Variants in PACC1 observed in about 807,000 individuals in gnomAD.
The protein encoded by PACC1 is proton-activated chloride channel.
PACC1 carries 34 observed loss-of-function variants against 39.7 expected under a neutral mutation model. That is an observed-to-expected ratio of 0.86 (90% CI 0.65 to 1.14). The LOEUF (loss-of-function observed/expected upper bound fraction) is 1.14. Among genes scored for constraint, PACC1 ranks in the 50% most tolerant of loss-of-function variants. The pLI, the probability that PACC1 is intolerant of heterozygous loss-of-function variation, is 0.00. For synonymous variants in PACC1, 127 were observed against 160.6 expected (o/e 0.79, Z 1.58); for missense variants, 379 against 436.4 (o/e 0.87, Z 1.17).
At chr1:212,401,539 T>A (rs1259187647) in intron 2 of PACC1, among the ~76,000 whole-genome samples, 2 of 138,642 alleles carry the variant, frequency 1.4e-5, no homozygotes, top group East Asian at 2.3e-4. Context: ...GGCAGGAGAA[T>A]CACTTGAACC....
intron 7 of PACC1, among the ~76,000 whole-genome samples, chr1:212,371,227 G>A (rs1471003138): frequency 2.2e-4 from 26 of 120,402 alleles, no homozygotes; most frequent in Non-Finnish European, 3.6e-4. Flanking sequence ...TTGTGATAGA[G>A]CAAGACTCCA....
chr1:212,369,543 G>C (rs975719138), intron 7 of PACC1, among the ~76,000 whole-genome samples: 1 of 152,340 alleles, frequency 6.6e-6, no homozygotes, highest in Non-Finnish European at 1.5e-5. Context: ...CACTTTGGGA[G>C]GCCAAGGTGG....
intron 1 of PACC1, chr1:212,414,119 G>C (rs994456547): frequency 1.3e-6 from 2 of 1,492,138 alleles, no homozygotes; most frequent in African/African-American, 1.4e-5. Flanking sequence ...GAACTGGAAA[G>C]TGATAAAGTC....
intron 7 of PACC1, among the ~76,000 whole-genome samples, chr1:212,368,938 A>AGGAG: frequency 6.6e-6 from 1 of 151,346 alleles, no homozygotes; most frequent in South Asian, 2.1e-4. Context: ...AGGCTGAGGT[A>AGGAG]GGAGAATGGT....
chr1:212,385,047 C>T (rs1661047011), intron 4 of PACC1, among the ~76,000 whole-genome samples: 1 of 152,218 alleles, frequency 6.6e-6, no homozygotes, highest in African/African-American at 2.4e-5. Flanking sequence ...GTCAGGAATC[C>T]CTGAGCATTA....
At chr1:212,408,480 C>A (rs1158346169) in intron 2 of PACC1, among the ~76,000 whole-genome samples, 1 of 152,042 alleles carries the variant, frequency 6.6e-6, no homozygotes, top group African/African-American at 2.4e-5. Flanking sequence ...CCTGCCTCAG[C>A]CTCCCAAGTA....
chr1:212,396,701 T>TAAA (rs34222207), intron 2 of PACC1, among the ~76,000 whole-genome samples: 1 of 95,452 alleles, frequency 1.0e-5, no homozygotes, highest in Admixed American at 1.1e-4. Context: ...CAGGATAACT[T>TAAA]AAAAAAAAAA....
intron 4 of PACC1, 98 bp from the exon 5 acceptor site, chr1:212,380,135 T>C: frequency 6.0e-6 from 8 of 1,331,256 alleles, no homozygotes; most frequent in Non-Finnish European, 7.2e-6. Context: ...CCATAGCTCC[T>C]TGCCCAGTGG....
intron 6 of PACC1, chr1:212,376,866 A>G (rs1660683307): frequency 6.6e-6 from 1 of 152,360 alleles, no homozygotes; most frequent in East Asian, 1.9e-4. Flanking sequence ...CTTCTGCTCC[A>G]GATGAGCATC....
chr1:212,393,394 G>C lies in PACC1; in HGVS notation c.134-6294C>G, dbSNP rs1368206137. ...AGATGTTCTTTGAAACCAATGAGAA[G>C]AAAGACACAACATACCAGAATCTCT... On this transcript the variant is annotated intron_variant, in intron 2 of 7. Transcript: ENST00000261455. 5.9e-5 allele frequency among the ~76,000 whole-genome samples: 9 copies of C among 152,220 alleles called. No individual in the cohort carries two copies. In the East Asian group the frequency reaches 1.4e-3, roughly 23 times the overall value.
At position 212,387,026 on chromosome 1, in the gene PACC1, G is replaced by C. The variant is rs1393482660; in HGVS notation, c.208C>G (p.Leu70Val). 1 of 1,614,232 alleles carries C rather than the reference G, an allele frequency of 6.2e-7. No homozygotes were observed. Among genetic ancestry groups the C allele is most frequent in the Non-Finnish European group, 8.5e-7 (1 of 1,180,048 alleles). The change falls in exon 3 of 8, where the codon CTC becomes GTC. Residue 70 changes from leucine (L) to valine (V), a missense_variant. Transcript: ENST00000261455. Reference protein sequence around the residue: ...ACLKNVFSVLLIFIYLLLMAV... With the variant: ...ACLKNVFSVLVIFIYLLLMAV... The stretch of plus-strand genomic sequence containing the variant: ...ATGAGCAGCAGGTAGATGAAGATGA[G>C]TAGGACCGAGAAGACGTTCTTCAGG...
chr1:212,395,219 G>C (rs1231455560), intron 2 of PACC1, among the ~76,000 whole-genome samples: 7 of 152,238 alleles, frequency 4.6e-5, no homozygotes, highest in African/African-American at 1.7e-4. Flanking sequence ...AAACAGCATG[G>C]TACTGGTACC....
intron 4 of PACC1, among the ~76,000 whole-genome samples, chr1:212,382,125 G>A (rs1660920957): frequency 6.6e-6 from 1 of 151,756 alleles, no homozygotes; most frequent in East Asian, 1.9e-4. Flanking sequence ...TGCAAGCTCC[G>A]CCTCCCGGGT....
At chr1:212,366,986 C>T (rs1660269475) in intron 7 of PACC1, among the ~76,000 whole-genome samples, 1 of 152,196 alleles carries the variant, frequency 6.6e-6, no homozygotes, top group African/African-American at 2.4e-5. Flanking sequence ...ATTATGATGA[C>T]ATGAATGCCA....
intron 2 of PACC1, among the ~76,000 whole-genome samples, chr1:212,392,094 G>A (rs1661343842): frequency 6.6e-6 from 1 of 152,102 alleles, no homozygotes; most frequent in Non-Finnish European, 1.5e-5. Flanking sequence ...TACAGAGAAT[G>A]CCACAAAGAT....
At chr1:212,396,583 T>C (rs1661526740) in intron 2 of PACC1, among the ~76,000 whole-genome samples, 1 of 135,994 alleles carries the variant, frequency 7.4e-6, no homozygotes, top group African/African-American at 2.8e-5. Context: ...TAAAGTATAA[T>C]AAAAATATAC....
At chr1:212,398,322 C>T (rs1342606369) in intron 2 of PACC1, among the ~76,000 whole-genome samples, 1 of 152,106 alleles carries the variant, frequency 6.6e-6, no homozygotes, top group Admixed American at 6.5e-5. Flanking sequence ...AATAAATAAC[C>T]TAAATAATAG....
At chr1:212,382,587 G>A (rs563288772) in intron 4 of PACC1, among the ~76,000 whole-genome samples, 86 of 152,274 alleles carry the variant, frequency 5.6e-4, no homozygotes, top group Non-Finnish European at 1.0e-3. Flanking sequence ...TGAGACCCTC[G>A]ACTGGGGTCA....
At chr1:212,402,292 G>C (rs1661745537) in intron 2 of PACC1, among the ~76,000 whole-genome samples, 1 of 152,128 alleles carries the variant, frequency 6.6e-6, no homozygotes, top group Non-Finnish European at 1.5e-5. Context: ...CAACGTATGG[G>C]GGTTCCAATC....
Sources: allele counts gnomAD v4.1 joint callset (sites outside exome capture counted in the v4.1 genomes callset), GRCh38; gene constraint gnomAD v4.1.1; transcripts MANE v1.5; gene names NCBI Gene and HGNC (gene_info 2026-07-23, HGNC 2026-07-21).